The following OPHN1 variants were observed in gnomAD, a reference collection of about 807,000 sequenced individuals.
OPHN1 encodes oligophrenin 1.
In OPHN1, 11 loss-of-function variants were observed where a neutral mutation model predicts 60.7. That is an observed-to-expected ratio of 0.18 (90% CI 0.11 to 0.30). The LOEUF (loss-of-function observed/expected upper bound fraction) is 0.30. OPHN1 is among the 10% of genes least tolerant of loss of function. The pLI is 1.00. For synonymous variants in OPHN1, 226 were observed against 222.6 expected (o/e 1.02, Z -0.14); for missense variants, 449 against 611.0 (o/e 0.73, Z 2.80).
intron 3 of OPHN1, among the ~76,000 whole-genome samples, chrX:68,292,885 G>A (rs2078076907): frequency 8.9e-6 from 1 of 112,027 alleles, no homozygotes; most frequent in Non-Finnish European, 1.9e-5. Flanking sequence ...CATTGGGCTA[G>A]AACTTTCCCC....
intron 2 of OPHN1, among the ~76,000 whole-genome samples, chrX:68,359,855 CA>C (rs1186524030): frequency 0.22 from 4,137 of 18,727 alleles, 151 homozygotes; most frequent in South Asian, 0.36. Flanking sequence ...GACTCCGTCT[CA>C]AAAAAAAAAA....
At chrX:68,315,677 C>CA (rs1190983513) in intron 2 of OPHN1, among the ~76,000 whole-genome samples, 4 of 111,197 alleles carry the variant, frequency 3.6e-5, no homozygotes, top group Non-Finnish European at 7.6e-5. Context: ...CTAAAATTCA[C>CA]AAAAAATATT....
At chrX:68,331,549 C>T (rs1454299416) in intron 2 of OPHN1, among the ~76,000 whole-genome samples, 1 of 107,175 alleles carries the variant, frequency 9.3e-6, no homozygotes, top group African/African-American at 3.4e-5. Context: ...CTGGCCAATA[C>T]GGTGTAACCC....
chrX:68,404,775 C>A (rs2078733438), intron 2 of OPHN1, among the ~76,000 whole-genome samples: 1 of 111,929 alleles, frequency 8.9e-6, no homozygotes, highest in African/African-American at 3.2e-5. Context: ...CTGACACATG[C>A]TACGTGAAAG....
intron 6 of OPHN1, among the ~76,000 whole-genome samples, chrX:68,221,179 T>A (rs1408278130): frequency 2.1e-4 from 14 of 65,519 alleles, no homozygotes; most frequent in Non-Finnish European, 3.5e-4. Context: ...CCATTCACAA[T>A]TGCTTCAAAG....
At chrX:68,076,411 C>A (rs765337584) in intron 19 of OPHN1, among the ~76,000 whole-genome samples, 29 of 107,132 alleles carry the variant, frequency 2.7e-4, no homozygotes, top group South Asian at 8.1e-4. Context: ...AAAAAAAAAA[C>A]CACCCAATGA....
intron 23 of OPHN1, among the ~76,000 whole-genome samples, chrX:68,051,333 AG>A (rs1189954991): frequency 8.9e-6 from 1 of 111,794 alleles, no homozygotes; most frequent in East Asian, 2.8e-4. Context: ...CCTAAATTCC[AG>A]GCCTTGGACA....
At chrX:68,235,648 G>A (rs1258520391) in intron 5 of OPHN1, among the ~76,000 whole-genome samples, 1 of 105,374 alleles carries the variant, frequency 9.5e-6, no homozygotes, top group Non-Finnish European at 1.9e-5. Context: ...GACCAGCCTA[G>A]CCAACATGGT....
intron 15 of OPHN1, among the ~76,000 whole-genome samples, chrX:68,120,189 T>C (rs1410735442): frequency 9.0e-6 from 1 of 111,178 alleles, no homozygotes; most frequent in Non-Finnish European, 1.9e-5. Context: ...CTTACCACCG[T>C]ATCAACTGGG....
intron 2 of OPHN1, among the ~76,000 whole-genome samples, chrX:68,343,694 A>AC (rs2078366067): frequency 1.8e-5 from 2 of 111,186 alleles, no homozygotes; most frequent in South Asian, 7.6e-4. Flanking sequence ...TAATGAAAAA[A>AC]AAAAGGTTGT....
chrX:68,181,077 T>C (rs1423605913), intron 15 of OPHN1, among the ~76,000 whole-genome samples: 5 of 111,515 alleles, frequency 4.5e-5, no homozygotes, highest in Non-Finnish European at 7.5e-5. Context: ...AAAAACCTTA[T>C]AAATATGAAT....
intron 5 of OPHN1, among the ~76,000 whole-genome samples, chrX:68,257,200 A>C (rs2077868507): frequency 8.9e-6 from 1 of 112,611 alleles, no homozygotes. Context: ...GGAACTGAAC[A>C]CACAATATCT....
intron 19 of OPHN1, among the ~76,000 whole-genome samples, chrX:68,095,491 T>C (rs2077034993): frequency 8.9e-6 from 1 of 112,354 alleles, no homozygotes; most frequent in African/African-American, 3.2e-5. Context: ...TAGATTCACA[T>C]AGTCAACTGC....
At chrX:68,066,948 C>T (rs916180915) in intron 20 of OPHN1, among the ~76,000 whole-genome samples, 1 of 112,065 alleles carries the variant, frequency 8.9e-6, no homozygotes, top group African/African-American at 3.2e-5. Flanking sequence ...TCAGGGACTA[C>T]GAAGAACTGG....
chrX:68,243,621 C>T lies in OPHN1; in HGVS notation c.385-9033G>A, dbSNP rs1940069109. Among the ~76,000 whole-genome samples the T allele has an allele frequency of 2.7e-5, 3 of 111,245 alleles. No homozygotes were observed. In the Admixed American group the frequency reaches 2.9e-4, roughly 11 times the overall value. On this transcript the variant is annotated intron_variant, in intron 5 of 24. Coordinates refer to ENST00000355520, the MANE Select transcript of OPHN1 (RefSeq NM_002547.3). ...CAGGCAGGTCTCAAACTCCTGACCT[C>T]GAGTAATCCGCCCGTCTTGGCCTCC...
At position 68,194,329 on chromosome X, in the gene OPHN1, G is replaced by A. The variant is rs775997702; in HGVS notation, c.1138+136C>T. The A allele has an allele frequency of 7.0e-6, 4 of 574,495 alleles. No homozygotes were observed. In the East Asian group the frequency reaches 1.0e-4, roughly 15 times the overall value. The allele number at this position is 574,495 out of a possible 1,213,427, so 47.3% of individuals were successfully genotyped here. On this transcript the variant is annotated intron_variant, in intron 13 of 24. Coordinates refer to ENST00000355520, the MANE Select transcript of OPHN1 (RefSeq NM_002547.3). The stretch of plus-strand genomic sequence containing the variant: ...ACCAGACACATTTAAAAAATATATG[G>A]CTGAATTTTATTTCACACAAAGGCA...
chrX:68,142,903 G>A (rs922444452), intron 15 of OPHN1, among the ~76,000 whole-genome samples: 3 of 112,019 alleles, frequency 2.7e-5, no homozygotes, highest in Non-Finnish European at 5.6e-5. Flanking sequence ...ATATTCTCCA[G>A]CAAGGATCTT....
intron 6 of OPHN1, among the ~76,000 whole-genome samples, chrX:68,226,462 G>A (rs2077693310): frequency 1.8e-5 from 2 of 111,256 alleles, no homozygotes; most frequent in Admixed American, 1.9e-4. Context: ...AGGAAAAAAT[G>A]TTAAGGGCAG....
At chrX:68,119,087 A>G (rs770503416) in intron 16 of OPHN1, among the ~76,000 whole-genome samples, 161 bp downstream of exon 16, 197 of 112,054 alleles carry the variant, frequency 1.8e-3, no homozygotes, top group African/African-American at 6.2e-3. Flanking sequence ...CAGATTTAAA[A>G]AACAGTCTTT....
Sources: gnomAD v4.1 joint callset for allele counts (sites outside exome capture counted in the v4.1 genomes callset) on GRCh38, gnomAD v4.1.1 for gene constraint, MANE v1.5 for transcripts, NCBI Gene and HGNC (gene_info 2026-07-23, HGNC 2026-07-21) for gene names.